ACOXL: variants seen among roughly 807,000 people sequenced by gnomAD.
The protein encoded by ACOXL is acyl-CoA oxidase like, also known as acyl-coenzyme A oxidase-like protein.
In ACOXL, 70 loss-of-function variants were observed where a neutral mutation model predicts 71.9. The ratio of observed to expected loss-of-function variants is 0.97; its 90% CI spans 0.80 to 1.19. ACOXL has a LOEUF of 1.19. Among genes scored for constraint, ACOXL ranks in the 50% most tolerant of loss-of-function variants. The probability of loss-of-function intolerance (pLI) is 0.00; values close to 1 mark genes in which losing one functional copy is unlikely to be tolerated. For missense variants in ACOXL, 703 were observed against 736.3 expected, an observed-to-expected ratio of 0.95 and a Z score of 0.52; for synonymous variants, 253 against 281.6, an observed-to-expected ratio of 0.90 and a Z score of 1.02.
At chr2:110,872,881 TC>T (rs536639020) in intron 10 of ACOXL, among the ~76,000 whole-genome samples, 89 of 152,300 alleles carry the variant, frequency 5.8e-4, no homozygotes, top group Middle Eastern at 3.4e-3. Context: ...CTGGCTTGAC[TC>T]CAGTGAAATG....
chr2:110,864,377 C>T (rs1013645355), intron 10 of ACOXL, among the ~76,000 whole-genome samples: 1 of 152,174 alleles, frequency 6.6e-6, no homozygotes, highest in Non-Finnish European at 1.5e-5. Context: ...TCTCCATCCA[C>T]AAAGGGTAGA....
chr2:110,793,742 G>A lies in ACOXL; in HGVS notation c.246+6G>A. Reference sequence around the variant, plus strand: ...AGTGGTTTCAGCCACTCCAGGTATGGTATTTTCCTCAACATTGGTCTTCTA... The same window carrying A: ...AGTGGTTTCAGCCACTCCAGGTATGATATTTTCCTCAACATTGGTCTTCTA... On this transcript the variant is annotated splice_donor_region_variant and intron_variant, in intron 4 of 17. Transcript: ENST00000439055. 6.2e-7 allele frequency: 1 copy of A among 1,611,854 alleles called. No homozygotes were observed. Among genetic ancestry groups the A allele is most frequent in the Non-Finnish European group, 8.5e-7 (1 of 1,177,972 alleles).
At chr2:111,047,916 A>T (rs530922978) in intron 15 of ACOXL, among the ~76,000 whole-genome samples, 2 of 152,378 alleles carry the variant, frequency 1.3e-5, no homozygotes, top group African/African-American at 2.4e-5. Context: ...AACTGATAGC[A>T]GTCAAGATGG....
intron 11 of ACOXL, among the ~76,000 whole-genome samples, chr2:110,923,802 G>T (rs2060169355): frequency 6.6e-6 from 1 of 152,082 alleles, no homozygotes; most frequent in African/African-American, 2.4e-5. Flanking sequence ...TGGGCGTGGT[G>T]GTGGGGGCCT....
intron 10 of ACOXL, among the ~76,000 whole-genome samples, chr2:110,881,322 A>G (rs1357205008): frequency 6.6e-6 from 1 of 152,060 alleles, no homozygotes; most frequent in Non-Finnish European, 1.5e-5. Context: ...TCACTTGTGA[A>G]ATTATTAAAT....
At chr2:110,969,613 C>T (rs979802749) in intron 12 of ACOXL, among the ~76,000 whole-genome samples, 1 of 152,086 alleles carries the variant, frequency 6.6e-6, no homozygotes, top group Non-Finnish European at 1.5e-5. Context: ...GAGTTCAAGA[C>T]CAGCCTGGGC....
At chr2:111,114,394 T>C (rs2070198543) in intron 17 of ACOXL, 1 of 152,188 alleles carries the variant, frequency 6.6e-6, no homozygotes, top group Non-Finnish European at 1.5e-5. Flanking sequence ...AGTGACATGT[T>C]CCCCATATTC....
chr2:111,094,453 AG>A (rs2068701312), intron 17 of ACOXL: 1 of 152,290 alleles, frequency 6.6e-6, no homozygotes, highest in Admixed American at 6.5e-5. Flanking sequence ...GGAAAGTCCA[AG>A]GTCAAGGGGC....
At chr2:111,052,094 A>G (rs1294362233) in intron 16 of ACOXL, among the ~76,000 whole-genome samples, 1 of 152,188 alleles carries the variant, frequency 6.6e-6, no homozygotes, top group Non-Finnish European at 1.5e-5. Context: ...TGCAAAGACA[A>G]AAACATTGAG....
chr2:110,927,107 A>C (rs2060300214), intron 11 of ACOXL, among the ~76,000 whole-genome samples: 1 of 152,146 alleles, frequency 6.6e-6, no homozygotes, highest in African/African-American at 2.4e-5. Context: ...GGCAAAGGGG[A>C]AGCAAGCACC....
intron 12 of ACOXL, among the ~76,000 whole-genome samples, chr2:110,962,698 A>G (rs2061748133): frequency 6.6e-6 from 1 of 152,262 alleles, no homozygotes; most frequent in African/African-American, 2.4e-5. Context: ...ATTCAAGAGT[A>G]TGACTGCCCC....
At chr2:110,874,211 T>TG (rs913198943) in intron 10 of ACOXL, among the ~76,000 whole-genome samples, 4 of 152,066 alleles carry the variant, frequency 2.6e-5, no homozygotes, top group Non-Finnish European at 4.4e-5. Context: ...AGAATGCTTT[T>TG]GGGGGGGTGG....
intron 12 of ACOXL, among the ~76,000 whole-genome samples, chr2:110,973,888 T>C (rs561649087): frequency 1.1e-3 from 162 of 152,346 alleles, no homozygotes; most frequent in African/African-American, 3.8e-3. Flanking sequence ...CAGGCAGTGC[T>C]TGGTCCCTTG....
rs2061306410 is a variant in ACOXL, at chr2:110,950,836, G to GAGAGAGAGAGAGAGAGA, written c.1059+17194_1059+17195insAGAGAGAGAGAGAGAGA. ...GAGAGAGAGAGAGAGAGAGAGAGAG[G>GAGAGAGAGAGAGAGAGA]GAAGTTCTGGAATTTAGCTCTCATG... is the stretch of plus-strand genomic sequence containing the variant. On this transcript the variant is annotated intron_variant, in intron 12 of 17. Coordinates refer to ENST00000439055, the MANE Select transcript of ACOXL (RefSeq NM_001142807.4). 2.1e-4 allele frequency among the ~76,000 whole-genome samples: 20 copies of GAGAGAGAGAGAGAGAGA among 95,776 alleles called. No individual in the cohort carries two copies. In the East Asian group the frequency reaches 4.8e-3, roughly 23 times the overall value. The allele number at this position is 95,776 out of a possible 152,430, so 62.8% of individuals were successfully genotyped here.
At chr2:110,966,342 G>T (rs1359443297) in intron 12 of ACOXL, among the ~76,000 whole-genome samples, 2 of 152,168 alleles carry the variant, frequency 1.3e-5, no homozygotes, top group Non-Finnish European at 2.9e-5. Flanking sequence ...CCACCCTGGG[G>T]CCAGCAGGGG....
chr2:110,897,087 C>T (rs755935691), intron 10 of ACOXL, among the ~76,000 whole-genome samples: 1 of 151,990 alleles, frequency 6.6e-6, no homozygotes, highest in Non-Finnish European at 1.5e-5. Flanking sequence ...CAGGAAAACT[C>T]GCCATCACTT....
At chr2:110,784,843 A>G (rs1293703256) in intron 3 of ACOXL, 28 bp downstream of exon 3, 3 of 1,577,466 alleles carry the variant, frequency 1.9e-6, no homozygotes, top group African/African-American at 2.7e-5. Flanking sequence ...CCTGCCCTTC[A>G]TGAATGCATG....
chr2:111,084,698 A>G (rs766089714), intron 16 of ACOXL, among the ~76,000 whole-genome samples: 4 of 152,168 alleles, frequency 2.6e-5, no homozygotes, highest in Non-Finnish European at 5.9e-5. Flanking sequence ...ACACAATGAC[A>G]GGATCAAATC....
At chr2:110,750,365 T>C (rs1678764887) in intron 1 of ACOXL, among the ~76,000 whole-genome samples, 1 of 152,142 alleles carries the variant, frequency 6.6e-6, no homozygotes, top group Non-Finnish European at 1.5e-5. Context: ...CTCAAATTGT[T>C]CCAGCTTTGG....
Sources: gnomAD v4.1 joint callset for allele counts (sites outside exome capture counted in the v4.1 genomes callset) on GRCh38, gnomAD v4.1.1 for gene constraint, MANE v1.5 for transcripts, NCBI Gene and HGNC (gene_info 2026-07-23, HGNC 2026-07-21) for gene names.